ERICH3: variants seen among roughly 807,000 people sequenced by gnomAD.
ERICH3 encodes glutamate-rich protein 3.
ERICH3 carries 126 observed loss-of-function variants against 131.1 expected under a neutral mutation model. The ratio of observed to expected loss-of-function variants is 0.96; its 90% CI spans 0.83 to 1.11. The LOEUF (loss-of-function observed/expected upper bound fraction) is 1.11. Ranked by LOEUF, ERICH3 falls within the 50% of genes most tolerant of loss-of-function variation. The pLI is 0.00. For synonymous variants in ERICH3, 695 were observed against 644.6 expected (o/e 1.08, Z -1.18); for missense variants, 2,050 against 1,810.7 (o/e 1.13, Z -2.40).
At position 74,646,781 on chromosome 1, in the gene ERICH3, ACTT is replaced by A. The variant is rs1193636022; in HGVS notation, c.126_128del (p.Arg42del). 3 of 1,473,428 alleles carry A rather than the reference ACTT, an allele frequency of 2.0e-6. No homozygotes were observed. Among genetic ancestry groups the A allele is most frequent in the East Asian group, 5.0e-5 (2 of 40,342 alleles). The allele number at this position is 1,473,428 out of a possible 1,614,324, so 91.3% of individuals were successfully genotyped here. A position where few individuals can be genotyped will look rare whatever the true frequency, so the allele number is the denominator to read the frequency against. On this transcript the variant is annotated inframe_deletion, in exon 3 of 15. Transcript: ENST00000326665. ...ATTCTTTTTCAGAAAGTATTCTTCC[ACTT>A]CTTGTGATCTGTCATGAATAAATAA...
chr1:74,589,776 G>C lies in ERICH3; in HGVS notation c.2031C>G (p.Thr677=). Residue 677 remains threonine (T), a synonymous_variant, in exon 12 of 15, where the codon ACC becomes ACG. Transcript: ENST00000326665. ...NVLKEGTEKG[T]QEIAEGLSEK... ...CAGATAAACCCTCTGCAATCTCTTG[G>C]GTTCCTTTCTCCGTTCCTTCTTTAA... The C allele has an allele frequency of 6.2e-7, 1 of 1,613,958 alleles. No individual in the cohort carries two copies. Among genetic ancestry groups the C allele is most frequent in the South Asian group, 1.1e-5 (1 of 91,076 alleles).
chr1:74,653,299 G>A (rs535173792), intron 1 of ERICH3, among the ~76,000 whole-genome samples: 2 of 152,156 alleles, frequency 1.3e-5, no homozygotes, highest in South Asian at 2.1e-4. Flanking sequence ...CACAGAGATG[G>A]CACAGACACT....
intron 8 of ERICH3, among the ~76,000 whole-genome samples, chr1:74,617,063 T>C (rs1176447954): frequency 6.6e-6 from 1 of 151,394 alleles, no homozygotes; most frequent in South Asian, 2.1e-4. Flanking sequence ...AATAGCAATA[T>C]AATATTTTTT....
chr1:74,659,267 C>T (rs2100652022), intron 1 of ERICH3, among the ~76,000 whole-genome samples: 1 of 152,306 alleles, frequency 6.6e-6, no homozygotes, highest in Middle Eastern at 3.4e-3. Context: ...TATCTTTACA[C>T]TGTCCTCCTG....
chr1:74,589,886 C>G lies in ERICH3; in HGVS notation c.1921G>C (p.Glu641Gln). ...KSHLPIEESL[E>Q]IEIEDQEITK... ...ATTTCTTGGTCTTCAATTTCAATTT[C>G]TAAGGATTCCTCAATTGGAAGGTGA... The change falls in exon 12 of 15, where the codon GAA becomes CAA. Residue 641 changes from glutamate to glutamine, a missense_variant. Coordinates refer to ENST00000326665, the MANE Select transcript of ERICH3 (RefSeq NM_001002912.5). 1 of 1,614,048 alleles carries G rather than the reference C, an allele frequency of 6.2e-7. No homozygotes were observed. The highest frequency in any genetic ancestry group is 1.1e-5 in the South Asian group (1 of 91,092).
intron 1 of ERICH3, among the ~76,000 whole-genome samples, chr1:74,666,403 A>G (rs1360957745): frequency 6.6e-6 from 1 of 152,172 alleles, no homozygotes; most frequent in Non-Finnish European, 1.5e-5. Flanking sequence ...CAATGATTTT[A>G]CAATTGTCAA....
In ERICH3 at chr1:74,572,173, C is replaced by G; in HGVS notation, c.3537G>C (p.Gly1179=). ...TGTCTCTGGCTTCACTCAGTCTTTC[C>G]CCTCCTCCTTCTTTCCTCAGAGCTG... ...NITALRKEGG[G]ERLSEARDTE... Residue 1179 remains glycine, a synonymous_variant, in exon 14 of 15, where the codon GGG becomes GGC. Transcript: ENST00000326665. The G allele has an allele frequency of 6.2e-7, 1 of 1,614,044 alleles. No homozygotes were observed. The highest frequency in any genetic ancestry group is 8.5e-7 in the Non-Finnish European group (1 of 1,180,016).
intron 1 of ERICH3, among the ~76,000 whole-genome samples, chr1:74,649,715 T>C (rs1646516522): frequency 1.3e-5 from 2 of 152,254 alleles, no homozygotes; most frequent in South Asian, 2.1e-4. Context: ...GCGTCTCATG[T>C]CATACCCTAA....
chr1:74,656,107 G>A (rs1292111155), intron 1 of ERICH3, among the ~76,000 whole-genome samples: 1 of 152,102 alleles, frequency 6.6e-6, no homozygotes, highest in Non-Finnish European at 1.5e-5. Context: ...AACATTCCCA[G>A]GCACTGAAAA....
intron 11 of ERICH3, among the ~76,000 whole-genome samples, chr1:74,596,226 T>A (rs937759613): frequency 6.6e-6 from 1 of 152,068 alleles, no homozygotes; most frequent in African/African-American, 2.4e-5. Flanking sequence ...CTTTCTTTTT[T>A]TCATATTCTG....
chr1:74,580,293 C>T (rs1443093286), intron 12 of ERICH3, among the ~76,000 whole-genome samples: 1 of 151,846 alleles, frequency 6.6e-6, no homozygotes, highest in Non-Finnish European at 1.5e-5. Flanking sequence ...TTCAATAACA[C>T]ATAAAACATT....
chr1:74,596,557 G>A (rs564899513), intron 11 of ERICH3, among the ~76,000 whole-genome samples: 1 of 152,108 alleles, frequency 6.6e-6, no homozygotes, highest in African/African-American at 2.4e-5. Flanking sequence ...CTACTGTGTA[G>A]TAAAATACTA....
At chr1:74,658,116 T>C (rs2100650971) in intron 1 of ERICH3, among the ~76,000 whole-genome samples, 1 of 152,304 alleles carries the variant, frequency 6.6e-6, no homozygotes, top group East Asian at 1.9e-4. Flanking sequence ...AGTGGTTAGA[T>C]AACTAGTCCA....
rs1308170635 is a variant in ERICH3 at position 74,568,506 on chromosome 1, C to G, written c.*1952G>C. 6.6e-6 allele frequency: 1 copy of G among 151,978 alleles called. No individual in the cohort carries two copies. The highest frequency in any genetic ancestry group is 1.5e-5 in the Non-Finnish European group (1 of 67,954). The allele number at this position is 151,978 out of a possible 1,614,324, so 9.4% of individuals were successfully genotyped here. ...GTAATACAGCTCAGTAATAAATGAA[C>G]TTGAATATAATGTAGATGAAATCTA... On this transcript the variant is annotated 3_prime_UTR_variant, in exon 15 of 15. Coordinates refer to ENST00000326665, the MANE Select transcript of ERICH3 (RefSeq NM_001002912.5).
Position 74,606,765 on chromosome 1 carries a change from C to A in ERICH3, c.1325G>T (p.Arg442Ile), listed in dbSNP as rs776900962. ...RKEREYVIPK[R>I]NEIKENKTSV... is the part of the protein sequence containing the mutation. Reference sequence around the variant, plus strand: ...GGTTTTGTTCTCCTTGATCTCATTTCTTTTTGGTATCACATACTCTCTCTC... The same window carrying A: ...GGTTTTGTTCTCCTTGATCTCATTTATTTTTGGTATCACATACTCTCTCTC... The change falls in exon 10 of 15, where the codon AGA becomes ATA. Residue 442 changes from arginine (R) to isoleucine (I), a missense_variant. Coordinates refer to ENST00000326665, the MANE Select transcript of ERICH3 (RefSeq NM_001002912.5). 5.0e-6 allele frequency: 8 copies of A among 1,613,268 alleles called. No homozygotes were observed. The highest frequency in any genetic ancestry group is 6.8e-6 in the Non-Finnish European group (8 of 1,179,592).
Position 74,568,892 on chromosome 1 carries a change from A to G in ERICH3, c.*1566T>C, listed in dbSNP as rs1646903184. On this transcript the variant is annotated 3_prime_UTR_variant, in exon 15 of 15. Coordinates refer to ENST00000326665, the MANE Select transcript of ERICH3 (RefSeq NM_001002912.5). The stretch of plus-strand genomic sequence containing the variant: ...TGCAGGGCTTGTTAAGCTATGGATT[A>G]CTGGAACCCACCAAGAGTTTCTAAT... 1 of 152,188 alleles carries G rather than the reference A, an allele frequency of 6.6e-6. No homozygotes were observed. Among genetic ancestry groups the G allele is most frequent in the African/African-American group, 2.4e-5 (1 of 41,454 alleles). 9.4% of individuals were successfully genotyped at this position (152,188 alleles called of 1,614,324 possible). A position where few individuals can be genotyped will look rare whatever the true frequency, so the allele number is the denominator to read the frequency against.
chr1:74,586,393 C>A (rs1647333549), intron 12 of ERICH3: 3 of 978,902 alleles, frequency 3.1e-6, no homozygotes, highest in Middle Eastern at 5.3e-4. Flanking sequence ...CCTATAATTT[C>A]TGTAATCATG....
intron 6 of ERICH3, 120 bp from the exon 7 acceptor site, chr1:74,632,048 G>C (rs1646343195): frequency 2.3e-6 from 2 of 872,318 alleles, no homozygotes; most frequent in Admixed American, 5.2e-5. Flanking sequence ...GATATCAATA[G>C]ACAAACTCAA....
intron 3 of ERICH3, among the ~76,000 whole-genome samples, chr1:74,643,458 A>T (rs528745700): frequency 6.6e-6 from 1 of 152,230 alleles, no homozygotes; most frequent in African/African-American, 2.4e-5. Flanking sequence ...AAACAATATG[A>T]ACTATAAAGA....
Sources: allele counts gnomAD v4.1 joint callset (sites outside exome capture counted in the v4.1 genomes callset), GRCh38; gene constraint gnomAD v4.1.1; transcripts MANE v1.5; gene names NCBI Gene and HGNC (gene_info 2026-07-23, HGNC 2026-07-21).